The following MTMR12 variants were observed in gnomAD, a reference collection of about 807,000 sequenced individuals.
MTMR12 encodes myotubularin related protein 12.
In MTMR12, 33 loss-of-function variants were observed where a neutral mutation model predicts 96.7. The observed-to-expected ratio is 0.34, with a 90% CI of 0.26 to 0.46. MTMR12 has a LOEUF of 0.46. Among genes scored for constraint, MTMR12 ranks in the 20% least tolerant of loss-of-function variants. The probability of loss-of-function intolerance (pLI) is 1.00; values close to 1 mark genes in which losing one functional copy is unlikely to be tolerated. For synonymous variants in MTMR12, 298 were observed against 327.2 expected (o/e 0.91, Z 0.96); for missense variants, 721 against 896.1 (o/e 0.80, Z 2.49).
At chr5:32,251,642 C>A (rs577077486) in intron 8 of MTMR12, among the ~76,000 whole-genome samples, 50 of 152,232 alleles carry the variant, frequency 3.3e-4, no homozygotes, top group Middle Eastern at 3.4e-3. Context: ...ACAAGACAGC[C>A]GCTTGACTAC....
chr5:32,255,801 C>T, intron 7 of MTMR12, 33 bp from the exon 8 acceptor site: 1 of 1,552,152 alleles, frequency 6.4e-7, no homozygotes, highest in Non-Finnish European at 8.8e-7. Context: ...AGTTTTAGTA[C>T]AACACTTAAT....
At chr5:32,270,137 T>C (rs1749775866) in intron 5 of MTMR12, among the ~76,000 whole-genome samples, 1 of 151,910 alleles carries the variant, frequency 6.6e-6, no homozygotes, top group African/African-American at 2.4e-5. Flanking sequence ...CTGAGATCAA[T>C]ATCTTAGTAA....
At chr5:32,243,314 C>T (rs1748550989) in intron 11 of MTMR12, among the ~76,000 whole-genome samples, 1 of 152,304 alleles carries the variant, frequency 6.6e-6, no homozygotes, top group Non-Finnish European at 1.5e-5. Flanking sequence ...CTGTAGAGTA[C>T]ATCTCCTTGT....
rs1378363329 is a variant in MTMR12, at chr5:32,312,900, GGCA to G, written c.-65_-63del. 1.8e-4 allele frequency: 259 copies of G among 1,426,732 alleles called. No individual in the cohort carries two copies. Among genetic ancestry groups the G allele is most frequent in the Non-Finnish European group, 2.1e-4 (231 of 1,084,800 alleles). 88.4% of individuals were successfully genotyped at this position (1,426,732 alleles called of 1,614,324 possible). On this transcript the variant is annotated 5_prime_UTR_variant, in exon 1 of 16. Coordinates refer to ENST00000382142, the MANE Select transcript of MTMR12 (RefSeq NM_001040446.3). This position sits in a 1 kb window ranked among gnomAD's most constrained non-coding sequence, Gnocchi z 5.0. ...AGGCGGCGGCTCGGGCTCCAGCTGG[GGCA>G]GCAGCGGCGGCCACCAGCACTAGCG...
chr5:32,284,170 T>C (rs1376030812), intron 1 of MTMR12, among the ~76,000 whole-genome samples: 2 of 151,286 alleles, frequency 1.3e-5, no homozygotes, highest in South Asian at 4.2e-4. Context: ...TTTTTTTAAT[T>C]AGCCAGGCAT....
intron 7 of MTMR12, among the ~76,000 whole-genome samples, chr5:32,260,792 G>A (rs549083716): frequency 3.3e-5 from 5 of 151,586 alleles, no homozygotes; most frequent in African/African-American, 9.7e-5. Context: ...AATCAAAACT[G>A]ATTACTGAAG....
intron 6 of MTMR12, among the ~76,000 whole-genome samples, chr5:32,263,692 G>A (rs574449585): frequency 6.6e-6 from 1 of 152,212 alleles, no homozygotes; most frequent in East Asian, 1.9e-4. Flanking sequence ...CCTGCCTCAG[G>A]TGCCCAAAGT....
chr5:32,274,151 A>G (rs755753592), intron 2 of MTMR12, 29 bp from the exon 3 acceptor site: 1 of 1,610,772 alleles, frequency 6.2e-7, no homozygotes, highest in Non-Finnish European at 8.5e-7. Flanking sequence ...GGTCCTCCTT[A>G]GAGTTCTCAG....
At chr5:32,296,556 T>C (rs944989879) in intron 1 of MTMR12, 3 of 278,258 alleles carry the variant, frequency 1.1e-5, no homozygotes, top group East Asian at 1.2e-4. Context: ...TCCCAGTACT[T>C]TGGAAGGGTG....
chr5:32,311,477 G>A (rs1751594383), intron 1 of MTMR12, among the ~76,000 whole-genome samples: 1 of 152,174 alleles, frequency 6.6e-6, no homozygotes, highest in Non-Finnish European at 1.5e-5. Context: ...TACGGAAGCA[G>A]TCCCTGATCA....
intron 15 of MTMR12, among the ~76,000 whole-genome samples, chr5:32,231,792 G>A (rs2111974415): frequency 6.6e-6 from 1 of 152,324 alleles, no homozygotes; most frequent in East Asian, 1.9e-4. Flanking sequence ...TCGTGAAGAT[G>A]TGTCAGGCAG....
At chr5:32,311,764 G>A (rs1581657309) in intron 1 of MTMR12, among the ~76,000 whole-genome samples, 1 of 152,054 alleles carries the variant, frequency 6.6e-6, no homozygotes, top group African/African-American at 2.4e-5. Context: ...TTGACGCTCC[G>A]CCAACCCTTC....
chr5:32,306,013 T>C lies in MTMR12; in HGVS notation c.81+6745A>G, dbSNP rs549470585. On this transcript the variant is annotated intron_variant, in intron 1 of 15. Coordinates refer to ENST00000382142, the MANE Select transcript of MTMR12 (RefSeq NM_001040446.3). ...TCTAGAGATGAAAACAACCAAGAGATCCCTGTATCTGCTCAGCAGTTACCT... is the reference window on the plus strand; with the variant it reads ...TCTAGAGATGAAAACAACCAAGAGACCCCTGTATCTGCTCAGCAGTTACCT... Among the ~76,000 whole-genome samples the C allele has an allele frequency of 3.8e-4, 58 of 152,122 alleles. No homozygotes were observed. The South Asian group carries it at 0.012, about 31-fold the overall frequency.
intron 4 of MTMR12, among the ~76,000 whole-genome samples, chr5:32,271,603 TGTGAA>T (rs1404544669): frequency 7.2e-5 from 11 of 152,214 alleles, no homozygotes; most frequent in African/African-American, 2.4e-4. Context: ...AATGGTGTCG[TGTGAA>T]GTATTAAAAA....
chr5:32,306,390 A>T (rs1393078186), intron 1 of MTMR12, among the ~76,000 whole-genome samples: 1 of 152,206 alleles, frequency 6.6e-6, no homozygotes, highest in South Asian at 2.1e-4. Flanking sequence ...AAATACTAGT[A>T]ATTATTCATT....
At chr5:32,306,422 G>T (rs1401829060) in intron 1 of MTMR12, among the ~76,000 whole-genome samples, 1 of 152,098 alleles carries the variant, frequency 6.6e-6, no homozygotes, top group Non-Finnish European at 1.5e-5. Flanking sequence ...TATACCCACA[G>T]TCATATCTCT....
chr5:32,296,404 AG>A (rs1257382834), intron 1 of MTMR12: 1 of 260,970 alleles, frequency 3.8e-6, no homozygotes, highest in Non-Finnish European at 8.5e-6. Context: ...GCTTCAGCCC[AG>A]GAGGTTGAGG....
intron 1 of MTMR12, among the ~76,000 whole-genome samples, chr5:32,304,737 T>C (rs1038363103): frequency 6.6e-6 from 1 of 152,196 alleles, no homozygotes; most frequent in South Asian, 2.1e-4. Context: ...TATGTGCTCT[T>C]AGACAGTGGC....
intron 6 of MTMR12, among the ~76,000 whole-genome samples, chr5:32,265,920 A>G (rs1234817085): frequency 1.3e-5 from 2 of 152,236 alleles, no homozygotes; most frequent in African/African-American, 4.8e-5. Flanking sequence ...CAGCTGGAAA[A>G]CAGCAAGGCC....
Sources: gnomAD v4.1 joint callset for allele counts (sites outside exome capture counted in the v4.1 genomes callset) on GRCh38, gnomAD v4.1.1 for gene constraint, Gnocchi (gnomAD v3.1) non-coding constraint, MANE v1.5 for transcripts, NCBI Gene and HGNC (gene_info 2026-07-23, HGNC 2026-07-21) for gene names.